PDSS1: variants seen among roughly 807,000 people sequenced by gnomAD.
The protein encoded by PDSS1 is decaprenyl diphosphate synthase subunit 1.
Under a neutral mutation model 57.5 loss-of-function variants are expected in PDSS1, and 43 were observed. That is an observed-to-expected ratio of 0.75 (90% CI 0.59 to 0.96). The LOEUF (loss-of-function observed/expected upper bound fraction) is 0.96, where lower values mean the gene tolerates loss of function less well. Among genes scored for constraint, PDSS1 ranks in the 50% least tolerant of loss-of-function variants. The pLI is 0.00. For missense variants in PDSS1, 438 were observed against 527.8 expected (o/e 0.83, Z 1.67); for synonymous variants, 175 against 191.3 (o/e 0.91, Z 0.70).
chr10:26,735,797 C>T (rs796284542), intron 10 of PDSS1, among the ~76,000 whole-genome samples: 46 of 152,258 alleles, frequency 3.0e-4, no homozygotes, highest in African/African-American at 1.1e-3. Flanking sequence ...GAGAAGATCA[C>T]CTTTCTCCCA....
intron 10 of PDSS1, among the ~76,000 whole-genome samples, chr10:26,738,206 T>G (rs1836469297): frequency 6.6e-6 from 1 of 152,234 alleles, no homozygotes; most frequent in Non-Finnish European, 1.5e-5. Context: ...ATGCAATATC[T>G]CCACTTAATG....
At chr10:26,702,619 C>T (rs527300119) in intron 2 of PDSS1, among the ~76,000 whole-genome samples, 14 of 152,268 alleles carry the variant, frequency 9.2e-5, no homozygotes, top group Admixed American at 7.8e-4. Context: ...TCAGTTACAC[C>T]TCTTTCTTTT....
intron 3 of PDSS1, 119 bp downstream of exon 3, chr10:26,704,860 C>T (rs910305043): frequency 1.1e-4 from 75 of 680,230 alleles, no homozygotes; most frequent in Non-Finnish European, 1.6e-4. Flanking sequence ...TGGTCTTGAA[C>T]TGCTGGCCTC....
intron 5 of PDSS1, chr10:26,715,406 CTT>C (rs58076852): frequency 1.8e-4 from 25 of 140,258 alleles, no homozygotes; most frequent in East Asian, 2.1e-4. Context: ...AACTCCTATA[CTT>C]TTTTTTTTTT....
intron 5 of PDSS1, among the ~76,000 whole-genome samples, chr10:26,711,519 C>T (rs114059031): frequency 1.0e-5 from 1 of 99,332 alleles, no homozygotes; most frequent in African/African-American, 3.3e-5. Flanking sequence ...AAATCTCTGG[C>T]ATTGACCTTT....
At chr10:26,723,959 G>A (rs1835870829) in intron 7 of PDSS1, 42 bp downstream of exon 7, 4 of 1,582,722 alleles carry the variant, frequency 2.5e-6, no homozygotes, top group African/African-American at 2.7e-5. Flanking sequence ...TTCAACCCTG[G>A]TGTTTAGCCA....
chr10:26,722,186 GA>G lies in PDSS1; in HGVS notation c.610-1618del, dbSNP rs1835811562. On this transcript the variant is annotated intron_variant, in intron 6 of 11. Coordinates refer to ENST00000376215, the MANE Select transcript of PDSS1 (RefSeq NM_014317.5). ...CTAATGATGTAGGGGCTGGGTCGGG[GA>G]ATGTAAGTGGGTACCTATATATCAT... 7.2e-5 allele frequency among the ~76,000 whole-genome samples: 11 copies of G among 152,268 alleles called. No homozygotes were observed. In the South Asian group the frequency reaches 2.3e-3, roughly 32 times the overall value.
intron 4 of PDSS1, among the ~76,000 whole-genome samples, 162 bp from the exon 5 acceptor site, chr10:26,709,476 G>C (rs1295078584): frequency 6.6e-6 from 1 of 151,942 alleles, no homozygotes; most frequent in Non-Finnish European, 1.5e-5. Flanking sequence ...CAGGAGAATC[G>C]CATGAACCCG....
intron 11 of PDSS1, among the ~76,000 whole-genome samples, chr10:26,745,587 C>T (rs1836824431): frequency 6.6e-6 from 1 of 152,170 alleles, no homozygotes; most frequent in Non-Finnish European, 1.5e-5. Context: ...TGGCTCACAC[C>T]TGTAATCCCA....
intron 4 of PDSS1, among the ~76,000 whole-genome samples, chr10:26,707,175 C>T (rs892280698): frequency 6.6e-6 from 1 of 152,156 alleles, no homozygotes; most frequent in South Asian, 2.1e-4. Context: ...GAGTTTTGCG[C>T]ATGCTCACGT....
intron 8 of PDSS1, among the ~76,000 whole-genome samples, chr10:26,729,283 A>T (rs924787534): frequency 1.3e-5 from 2 of 152,194 alleles, no homozygotes; most frequent in Non-Finnish European, 2.9e-5. Flanking sequence ...AATGGTGTTA[A>T]GAAACCAGAA....
rs1374612119 is a variant in PDSS1, at chr10:26,742,557, G to A, written c.1087G>A (p.Ala363Thr). 1.9e-6 allele frequency: 3 copies of A among 1,610,300 alleles called. No individual in the cohort carries two copies. The highest frequency in any genetic ancestry group is 2.5e-6 in the Non-Finnish European group (3 of 1,177,004). Residue 363 changes from alanine to threonine, a missense_variant, in exon 11 of 12, where the codon GCT becomes ACT. By Grantham distance (58) the Ala-to-Thr change is moderately conservative. Transcript: ENST00000376215. Reference protein sequence around the residue: ...RFSLPGDVDRARQYVLQSDGV... With the variant: ...RFSLPGDVDRTRQYVLQSDGV... ...CAGTTTGCCTGGAGATGTAGACAGA[G>A]CTCGACAGTATGTACTACAGGTAAG...
chr10:26,726,602 T>G (rs1835955372), intron 8 of PDSS1, among the ~76,000 whole-genome samples: 1 of 152,136 alleles, frequency 6.6e-6, no homozygotes, highest in South Asian at 2.1e-4. Flanking sequence ...GAAGAAGAAC[T>G]AATGGGATTG....
In PDSS1 at chr10:26,723,250, G is replaced by A. The variant is rs184826010; in HGVS notation, c.610-556G>A. Among the ~76,000 whole-genome samples the A allele has an allele frequency of 3.3e-5, 5 of 152,324 alleles. No individual in the cohort carries two copies. The East Asian group carries it at 9.6e-4, about 29-fold the overall frequency. ...GCATCTGAACCAATTATGCAAATAA[G>A]TCCACTCAGTGAAGAAGGGGGCAGA... On this transcript the variant is annotated intron_variant, in intron 6 of 11. Transcript: ENST00000376215.
In PDSS1 at chr10:26,724,084, CAAG is replaced by C; in HGVS notation, c.797_799del (p.Lys266del). The C allele has an allele frequency of 6.2e-7, 1 of 1,613,860 alleles. No homozygotes were observed. ...TTGCACACTACCTTGAGAAGACATT[CAAG>C]AAGACCGCCAGCCTGATAGCCAACA... On this transcript the variant is annotated inframe_deletion, in exon 8 of 12. Coordinates refer to ENST00000376215, the MANE Select transcript of PDSS1 (RefSeq NM_014317.5).
intron 8 of PDSS1, among the ~76,000 whole-genome samples, chr10:26,727,003 A>C (rs1835973515): frequency 6.6e-6 from 1 of 151,952 alleles, no homozygotes; most frequent in African/African-American, 2.4e-5. Flanking sequence ...TGGAGGTTGC[A>C]GTGAGCCAAG....
Position 26,697,943 on chromosome 10 carries a change from G to C in PDSS1, c.129+103G>C, listed in dbSNP as rs1408064343. 22 of 1,052,678 alleles carry C rather than the reference G, an allele frequency of 2.1e-5. No homozygotes were observed. In the South Asian group the frequency reaches 9.4e-4, roughly 45 times the overall value. 65.2% of individuals were successfully genotyped at this position (1,052,678 alleles called of 1,614,324 possible). On this transcript the variant is annotated intron_variant, in intron 1 of 11. Coordinates refer to ENST00000376215, the MANE Select transcript of PDSS1 (RefSeq NM_014317.5). Reference sequence around the variant, plus strand: ...GCGGGGAGCACGTGCGTCGCGACGCGGGGGCGCGCGGGGTAGCTCCGGGGT... The same window carrying C: ...GCGGGGAGCACGTGCGTCGCGACGCCGGGGCGCGCGGGGTAGCTCCGGGGT...
In PDSS1 at chr10:26,746,499, C is replaced by T; in HGVS notation, c.*26C>T. The T allele has an allele frequency of 6.2e-7, 1 of 1,611,990 alleles. No individual in the cohort carries two copies. Among genetic ancestry groups the T allele is most frequent in the African/African-American group, 1.3e-5 (1 of 74,992 alleles). On this transcript the variant is annotated 3_prime_UTR_variant, in exon 12 of 12. Coordinates refer to ENST00000376215, the MANE Select transcript of PDSS1 (RefSeq NM_014317.5). ...CAACTCTTTCTGTTCTTTCTGGCAG[C>T]TATCTTACCAGACTGTGCCTAAAGA...
chr10:26,726,646 A>C (rs1465434652), intron 8 of PDSS1, among the ~76,000 whole-genome samples: 1 of 152,216 alleles, frequency 6.6e-6, no homozygotes, highest in Non-Finnish European at 1.5e-5. Context: ...GAAACTTACA[A>C]GCTGCATTCT....
Sources: gnomAD v4.1 joint callset for allele counts (sites outside exome capture counted in the v4.1 genomes callset) on GRCh38, gnomAD v4.1.1 for gene constraint, MANE v1.5 for transcripts, NCBI Gene and HGNC (gene_info 2026-07-23, HGNC 2026-07-21) for gene names.